EXOC4: variants seen among roughly 807,000 people sequenced by gnomAD.
EXOC4 encodes exocyst complex component 4.
Under a neutral mutation model 107.2 loss-of-function variants are expected in EXOC4, and 71 were observed. The ratio of observed to expected loss-of-function variants is 0.66; its 90% CI spans 0.55 to 0.81. EXOC4 has a LOEUF of 0.81. Ranked by LOEUF, EXOC4 falls within the 30% of genes least tolerant of loss-of-function variation. The pLI is 0.00. For missense variants in EXOC4, 1,108 were observed against 1,189.6 expected, an observed-to-expected ratio of 0.93 and a Z score of 1.01; for synonymous variants, 456 against 441.2, an observed-to-expected ratio of 1.03 and a Z score of -0.42.
chr7:133,687,671 A>G (rs921518426), intron 10 of EXOC4, among the ~76,000 whole-genome samples: 1 of 152,118 alleles, frequency 6.6e-6, no homozygotes, highest in Non-Finnish European at 1.5e-5. Context: ...CTTTGCAGTA[A>G]TCACCATCTC....
intron 6 of EXOC4, among the ~76,000 whole-genome samples, chr7:133,360,919 T>C (rs958785444): frequency 1.3e-5 from 2 of 152,180 alleles, no homozygotes; most frequent in Non-Finnish European, 2.9e-5. Flanking sequence ...CATTCATTAA[T>C]TTTATTATAT....
chr7:133,523,282 T>C (rs1360846855), intron 9 of EXOC4, among the ~76,000 whole-genome samples: 2 of 152,286 alleles, frequency 1.3e-5, no homozygotes, highest in East Asian at 3.9e-4. Flanking sequence ...AGGATTTAAG[T>C]ATATTAATGG....
At chr7:133,659,252 A>T (rs1186168082) in intron 10 of EXOC4, among the ~76,000 whole-genome samples, 1 of 152,060 alleles carries the variant, frequency 6.6e-6, no homozygotes. Flanking sequence ...GGATAGTAGT[A>T]GTGGCAGCAC....
chr7:133,670,760 A>G (rs1225614436), intron 10 of EXOC4, among the ~76,000 whole-genome samples: 1 of 152,226 alleles, frequency 6.6e-6, no homozygotes, highest in Non-Finnish European at 1.5e-5. Flanking sequence ...CTGTTCAAGC[A>G]TTTACCACCA....
chr7:133,811,943 A>C (rs1370804098), intron 10 of EXOC4, among the ~76,000 whole-genome samples: 1 of 152,174 alleles, frequency 6.6e-6, no homozygotes, highest in Non-Finnish European at 1.5e-5. Flanking sequence ...ATTTCCTACA[A>C]GTCTACTGTG....
chr7:133,723,764 T>C (rs1795157227), intron 10 of EXOC4, among the ~76,000 whole-genome samples: 2 of 152,164 alleles, frequency 1.3e-5, no homozygotes, highest in African/African-American at 4.8e-5. Context: ...GTGCTGGGAC[T>C]ACAGGCGTGA....
chr7:133,811,612 A>G (rs1233127368), intron 10 of EXOC4, among the ~76,000 whole-genome samples: 4 of 152,366 alleles, frequency 2.6e-5, no homozygotes, highest in Non-Finnish European at 5.9e-5. Flanking sequence ...AAAACTGTTC[A>G]TTAGCTTGGT....
intron 6 of EXOC4, among the ~76,000 whole-genome samples, chr7:133,363,237 A>G (rs1381334627): frequency 6.6e-6 from 1 of 152,220 alleles, no homozygotes; most frequent in Non-Finnish European, 1.5e-5. Flanking sequence ...TTCTTCAACT[A>G]GGATATGTCC....
At chr7:133,430,055 GT>G (rs1381121095) in intron 7 of EXOC4, among the ~76,000 whole-genome samples, 1 of 152,178 alleles carries the variant, frequency 6.6e-6, no homozygotes, top group Non-Finnish European at 1.5e-5. Flanking sequence ...TGGTACCTGA[GT>G]TTTTGTCTAG....
At chr7:134,093,637 A>G in the EXOC4 span, among the ~76,000 whole-genome samples, 24 of 152,336 alleles carry the variant, frequency 1.6e-4, no homozygotes, top group Admixed American at 7.2e-4. Context: ...TCTCATCTGT[A>G]TATGGAACAT....
chr7:133,719,896 C>T (rs915235205), intron 10 of EXOC4, among the ~76,000 whole-genome samples: 15 of 151,284 alleles, frequency 9.9e-5, no homozygotes, highest in Non-Finnish European at 1.3e-4. Flanking sequence ...AAACTAACTT[C>T]TCAGGAAAGG....
chr7:133,350,855 C>G (rs574583864), intron 5 of EXOC4, among the ~76,000 whole-genome samples: 137 of 151,998 alleles, frequency 9.0e-4, no homozygotes, highest in African/African-American at 3.2e-3. Context: ...TATTTGTTTC[C>G]ATTAATTATA....
intron 10 of EXOC4, among the ~76,000 whole-genome samples, chr7:133,780,303 TAA>T (rs35224246): frequency 2.1e-5 from 3 of 143,908 alleles, no homozygotes; most frequent in African/African-American, 5.1e-5. Flanking sequence ...TTGAAGAATC[TAA>T]AAAAAAAAAA....
At chr7:133,980,025 C>A (rs1793941873) in intron 14 of EXOC4, among the ~76,000 whole-genome samples, 1 of 152,144 alleles carries the variant, frequency 6.6e-6, no homozygotes, top group Non-Finnish European at 1.5e-5. Context: ...GGCATTCTCC[C>A]CTTTTTATGT....
intron 10 of EXOC4, among the ~76,000 whole-genome samples, chr7:133,788,943 A>G (rs187525175): frequency 6.6e-6 from 1 of 152,286 alleles, no homozygotes; most frequent in African/African-American, 2.4e-5. Flanking sequence ...ATGTATTCTC[A>G]TAAAACAAGC....
intron 14 of EXOC4, among the ~76,000 whole-genome samples, chr7:133,958,539 C>A (rs935465217): frequency 1.3e-5 from 2 of 152,144 alleles, no homozygotes; most frequent in East Asian, 3.8e-4. Context: ...TCTACTTTGA[C>A]TTCTCTTTCT....
chr7:133,535,025 G>C (rs1252578943), intron 9 of EXOC4, among the ~76,000 whole-genome samples: 2 of 152,174 alleles, frequency 1.3e-5, no homozygotes, highest in South Asian at 2.1e-4. Flanking sequence ...ACTTGGAGAC[G>C]AGATGGGCCC....
At chr7:133,735,955 T>G (rs1046812027) in intron 10 of EXOC4, among the ~76,000 whole-genome samples, 2 of 152,038 alleles carry the variant, frequency 1.3e-5, no homozygotes, top group Non-Finnish European at 2.9e-5. Flanking sequence ...CCTGGTGTGG[T>G]GGTGCATGCC....
At chr7:133,732,124 A>G (rs1369053394) in intron 10 of EXOC4, among the ~76,000 whole-genome samples, 2 of 152,238 alleles carry the variant, frequency 1.3e-5, no homozygotes, top group Non-Finnish European at 2.9e-5. Flanking sequence ...AAAAGGAACA[A>G]GATCCTGTCC....
Sources: gnomAD v4.1 joint callset for allele counts (sites outside exome capture counted in the v4.1 genomes callset) on GRCh38, gnomAD v4.1.1 for gene constraint, MANE v1.5 for transcripts, NCBI Gene and HGNC (gene_info 2026-07-23, HGNC 2026-07-21) for gene names.